The following PCDHGB4 variants were observed in gnomAD, a reference collection of about 807,000 sequenced individuals.
PCDHGB4 encodes protocadherin gamma subfamily B, 4, also known as protocadherin gamma-B4.
Under a neutral mutation model 60.5 loss-of-function variants are expected in PCDHGB4, and 38 were observed. The observed-to-expected ratio is 0.63, with a 90% CI of 0.48 to 0.82. PCDHGB4 has a LOEUF of 0.82. Among genes scored for constraint, PCDHGB4 ranks in the 40% least tolerant of loss-of-function variants. PCDHGB4 has a pLI of 0.00. For missense variants in PCDHGB4, 1,109 were observed against 1,209.6 expected (o/e 0.92, Z 1.23); for synonymous variants, 456 against 509.7 (o/e 0.89, Z 1.42).
At chr5:141,394,703 A>C (rs138625114) in intron 1 of PCDHGB4, 42,437 of 1,613,130 alleles carry the variant, frequency 0.026, 739 homozygotes, top group East Asian at 0.04. Flanking sequence ...GCACGGCGCG[A>C]GCCCTGCTGG....
intron 1 of PCDHGB4, chr5:141,399,141 C>G: frequency 6.2e-7 from 1 of 1,613,778 alleles, no homozygotes; most frequent in Non-Finnish European, 8.5e-7. Flanking sequence ...ATGAAAATGA[C>G]AATAGCCCAG....
At chr5:141,408,205 G>A (rs1222360149) in intron 1 of PCDHGB4, 2 of 1,551,762 alleles carry the variant, frequency 1.3e-6, no homozygotes, top group Non-Finnish European at 1.7e-6. Context: ...AGCGAACGAT[G>A]GGAGGGAGCT....
Position 141,493,435 on chromosome 5 carries a change from G to T in PCDHGB4, c.2398-1372G>T, listed in dbSNP as rs150678406. On this transcript the variant is annotated intron_variant, in intron 1 of 3. Coordinates refer to ENST00000519479, the MANE Select transcript of PCDHGB4 (RefSeq NM_003736.4). The surrounding 1 kb of genome is among the most constrained non-coding windows in gnomAD (Gnocchi z 4.3). ...TGGGATTTTGCTTCTGCTGGGATGG[G>T]GCAAGGGTGGGGTTCCTTCCCTTTT... Among the ~76,000 whole-genome samples the T allele has an allele frequency of 6.6e-5, 10 of 152,294 alleles. No individual in the cohort carries two copies. In the East Asian group the frequency reaches 1.7e-3, roughly 26 times the overall value.
chr5:141,418,620 A>T lies in PCDHGB4; in HGVS notation c.2397+28339A>T, dbSNP rs762197476. 180 of 1,613,904 alleles carry T rather than the reference A, an allele frequency of 1.1e-4. No homozygotes were observed. The highest frequency in any genetic ancestry group is 1.5e-4 in the Non-Finnish European group (172 of 1,179,900). On this transcript the variant is annotated intron_variant, in intron 1 of 3. Coordinates refer to ENST00000519479, the MANE Select transcript of PCDHGB4 (RefSeq NM_003736.4). The stretch of plus-strand genomic sequence containing the variant: ...GTGTACAGGGTTAGCCTTCGGGAAG[A>T]CGTGCCTCCAGGCACCTCCATCCTG...
Position 141,491,726 on chromosome 5 carries a change from C to A in PCDHGB4, c.2398-3081C>A, listed in dbSNP as rs1018940432. ...GTGAGGGGCTCGGCGCCGCCCCGGG[C>A]GACCCCTGGGGGCGGCACTGGAGAA... On this transcript the variant is annotated intron_variant, in intron 1 of 3. Coordinates refer to ENST00000519479, the MANE Select transcript of PCDHGB4 (RefSeq NM_003736.4). This position sits in a 1 kb window ranked among gnomAD's most constrained non-coding sequence, Gnocchi z 6.9. 2.2e-5 allele frequency: 36 copies of A among 1,605,766 alleles called. No individual in the cohort carries two copies. Among genetic ancestry groups the A allele is most frequent in the African/African-American group, 4.0e-5 (3 of 74,588 alleles).
intron 1 of PCDHGB4, chr5:141,410,254 C>T: frequency 3.1e-6 from 5 of 1,614,020 alleles, no homozygotes; most frequent in Non-Finnish European, 3.4e-6. Flanking sequence ...TCTCTGACCC[C>T]CAGGCTGAAC....
At position 141,511,456 on chromosome 5, in the gene PCDHGB4, C is replaced by A. The variant is rs900802210; in HGVS notation, c.*283C>A. ...TACTGTAGACACCAAGAACCATTTG[C>A]CACACCCCGTTTAGTTACAGCTGAA... On this transcript the variant is annotated 3_prime_UTR_variant, in exon 4 of 4. Transcript: ENST00000519479. 3.4e-6 allele frequency: 2 copies of A among 585,210 alleles called. No homozygotes were observed. The highest frequency in any genetic ancestry group is 5.7e-6 in the Non-Finnish European group (2 of 351,786). 36.3% of individuals were successfully genotyped at this position (585,210 alleles called of 1,614,324 possible).
intron 1 of PCDHGB4, chr5:141,422,092 G>C: frequency 6.2e-7 from 1 of 1,611,520 alleles, no homozygotes; most frequent in Non-Finnish European, 8.5e-7. Flanking sequence ...GGAAAGCAAG[G>C]CTTCTGAAAT....
chr5:141,410,352 G>T (rs754268147), intron 1 of PCDHGB4: 4 of 1,614,022 alleles, frequency 2.5e-6, no homozygotes, highest in South Asian at 2.2e-5. Flanking sequence ...CGCCTGCGAC[G>T]CTCTCTCAGC....
At chr5:141,394,430 C>G in intron 1 of PCDHGB4, 2 of 1,614,244 alleles carry the variant, frequency 1.2e-6, no homozygotes, top group Non-Finnish European at 1.7e-6. Flanking sequence ...ACAGCGGGGA[C>G]CCGCCCCTCA....
At chr5:141,408,836 T>G in intron 1 of PCDHGB4, 1 of 1,613,680 alleles carries the variant, frequency 6.2e-7, no homozygotes, top group Non-Finnish European at 8.5e-7. Context: ...TAGCTTGATA[T>G]TGACTGCCTT....
Position 141,393,858 on chromosome 5 carries a change from A to G in PCDHGB4, c.2397+3577A>G, listed in dbSNP as rs777304987. The G allele has an allele frequency of 1.2e-5, 20 of 1,613,912 alleles. No homozygotes were observed. Among genetic ancestry groups the G allele is most frequent in the Admixed American group, 8.3e-5 (5 of 60,008 alleles). On this transcript the variant is annotated intron_variant, in intron 1 of 3. Transcript: ENST00000519479. ...AAATGACAATAGACCAGAAGTGATC[A>G]TTACGTCTTTGTTTAGCCCAGTGTT...
intron 1 of PCDHGB4, among the ~76,000 whole-genome samples, chr5:141,465,090 A>G (rs566511602): frequency 6.7e-6 from 1 of 149,576 alleles, no homozygotes; most frequent in Admixed American, 6.7e-5. Flanking sequence ...TCATTTTTCT[A>G]GTAGTTTTTT....
At chr5:141,408,458 G>A (rs760881860) in intron 1 of PCDHGB4, 1 of 1,614,066 alleles carries the variant, frequency 6.2e-7, no homozygotes, top group Admixed American at 1.7e-5. Context: ...GGACTTACTT[G>A]TGAAGAACCG....
At chr5:141,478,051 G>A (rs751371411) in intron 1 of PCDHGB4, 2 of 1,614,088 alleles carry the variant, frequency 1.2e-6, no homozygotes, top group East Asian at 2.2e-5. Context: ...AGACTCTCAC[G>A]GTCTTGATCA....
At chr5:141,499,689 C>CTTT (rs545067566) in intron 2 of PCDHGB4, among the ~76,000 whole-genome samples, 57 of 119,830 alleles carry the variant, frequency 4.8e-4, no homozygotes, top group Non-Finnish European at 6.2e-4. Context: ...TAACAGATGA[C>CTTT]TTTTTTTTTT....
At chr5:141,422,053 G>A in intron 1 of PCDHGB4, 1 of 1,611,606 alleles carries the variant, frequency 6.2e-7, no homozygotes, top group Non-Finnish European at 8.5e-7. Context: ...GGGAATCAAC[G>A]GGGAAGTAAT....
intron 3 of PCDHGB4, among the ~76,000 whole-genome samples, chr5:141,505,989 T>C (rs1275642739): frequency 6.6e-6 from 1 of 152,136 alleles, no homozygotes; most frequent in Non-Finnish European, 1.5e-5. Context: ...ACACCTCCTC[T>C]TTATGCGAGG....
intron 1 of PCDHGB4, chr5:141,420,437 T>G (rs2096496377): frequency 4.5e-6 from 5 of 1,109,618 alleles, no homozygotes; most frequent in Admixed American, 3.7e-5. Context: ...TTAAATTAAA[T>G]GCCTCAGTCT....
Sources: allele counts gnomAD v4.1 joint callset (sites outside exome capture counted in the v4.1 genomes callset), GRCh38; gene constraint gnomAD v4.1.1; non-coding constraint Gnocchi (gnomAD v3.1); transcripts MANE v1.5; gene names NCBI Gene and HGNC (gene_info 2026-07-23, HGNC 2026-07-21).